Variants in PQBP1 observed in about 807,000 individuals in gnomAD.
PQBP1 encodes the protein polyglutamine-binding protein 1.
In PQBP1, 3 loss-of-function variants were observed where a neutral mutation model predicts 20.9. That is an observed-to-expected ratio of 0.14 (90% CI 0.07 to 0.37). The LOEUF (loss-of-function observed/expected upper bound fraction) is 0.37, where lower values mean the gene tolerates loss of function less well. Among genes scored for constraint, PQBP1 ranks in the 10% least tolerant of loss-of-function variants. PQBP1 has a pLI of 1.00. For missense variants in PQBP1, 162 were observed against 240.3 expected (o/e 0.67, Z 2.16); for synonymous variants, 83 against 93.8 (o/e 0.88, Z 0.67).
chrX:48,900,396 C>T (rs1055435690), intron 2 of PQBP1, among the ~76,000 whole-genome samples: 2 of 91,998 alleles, frequency 2.2e-5, no homozygotes, highest in Non-Finnish European at 4.2e-5. Flanking sequence ...CGGGTTCAAG[C>T]GATTCTCCTG....
chrX:48,901,721 C>T (rs1401933120), intron 3 of PQBP1: 12 of 646,353 alleles, frequency 1.9e-5, no homozygotes, highest in African/African-American at 6.6e-5. Context: ...TCAGGTGATC[C>T]GCCTGCCTCG....
chrX:48,898,069 G>C lies in PQBP1; in HGVS notation c.-32G>C. 3 of 1,036,586 alleles carry C rather than the reference G, an allele frequency of 2.9e-6. No homozygotes were observed. The highest frequency in any genetic ancestry group is 3.7e-6 in the Non-Finnish European group (3 of 809,524). The allele number at this position is 1,036,586 out of a possible 1,213,427, so 85.4% of individuals were successfully genotyped here. A position where few individuals can be genotyped will look rare whatever the true frequency, so the allele number is the denominator to read the frequency against. On this transcript the variant is annotated 5_prime_UTR_variant, in exon 1 of 7. Coordinates refer to ENST00000447146, the MANE Select transcript of PQBP1 (RefSeq NM_001032382.2). ...GCGGTGTGACAGCCTTCCACTACCT[G>C]CACGAGTGTATTGGTAACGTTGGGG...
chrX:48,903,042 C>T lies in PQBP1; in HGVS notation c.756C>T (p.Leu252=). ...QRPYPSPGAV[L]RANAEASRTK... ...CGTATCCATCCCCAGGGGCTGTGCT[C>T]CGGGCCAATGCAGAGGCCTCCCGAA... The change falls in exon 7 of 7, where the codon CTC becomes CTT. Residue 252 remains leucine (L), a synonymous_variant. Coordinates refer to ENST00000447146, the MANE Select transcript of PQBP1 (RefSeq NM_001032382.2). 8.3e-7 allele frequency: 1 copy of T among 1,208,291 alleles called. No homozygotes were observed. Among genetic ancestry groups the T allele is most frequent in the African/African-American group, 1.7e-5 (1 of 57,696 alleles).
chrX:48,902,118 A>T (rs1602329200), intron 4 of PQBP1, 76 bp downstream of exon 4: 3 of 1,209,186 alleles, frequency 2.5e-6, no homozygotes, highest in Non-Finnish European at 3.4e-6. Flanking sequence ...ATGATAGTGG[A>T]TCAGAGGGGC....
chrX:48,899,186 A>AG (rs782499753), intron 2 of PQBP1, among the ~76,000 whole-genome samples: 1 of 110,723 alleles, frequency 9.0e-6, no homozygotes, highest in East Asian at 2.8e-4. Context: ...CATGTTGGCT[A>AG]GGCTGGCCTC....
chrX:48,901,770 C>G (rs1240219560), intron 3 of PQBP1, among the ~76,000 whole-genome samples, 160 bp from the exon 4 acceptor site: 2 of 112,144 alleles, frequency 1.8e-5, no homozygotes, highest in African/African-American at 6.5e-5. Flanking sequence ...TGAGCCACCA[C>G]GCCCAGCTGA....
chrX:48,902,138 C>T, intron 4 of PQBP1, 95 bp from the exon 5 acceptor site: 1 of 1,206,780 alleles, frequency 8.3e-7, no homozygotes, highest in Non-Finnish European at 1.1e-6. Context: ...CAGGTGAGAC[C>T]AGGCGGGCCC....
chrX:48,903,104 C>T lies in PQBP1; in HGVS notation c.*20C>T. The T allele has an allele frequency of 8.4e-7, 1 of 1,194,402 alleles. No individual in the cohort carries two copies. ...GATTGAAGCTTCGGCCTCCCTGGCC[C>T]TGGGTTAAAATAAAAGCTTTCTGGT... On this transcript the variant is annotated 3_prime_UTR_variant, in exon 7 of 7. Coordinates refer to ENST00000447146, the MANE Select transcript of PQBP1 (RefSeq NM_001032382.2).
chrX:48,901,104 T>A (rs1296188213), intron 2 of PQBP1, 86 bp from the exon 3 acceptor site: 1 of 1,160,337 alleles, frequency 8.6e-7, no homozygotes, highest in African/African-American at 1.8e-5. Flanking sequence ...CTTGTGTGAA[T>A]GTGAGTGCGT....
At chrX:48,901,400 G>A in intron 3 of PQBP1, 99 bp downstream of exon 3, 1 of 1,158,138 alleles carries the variant, frequency 8.6e-7, no homozygotes, top group Non-Finnish European at 1.1e-6. Flanking sequence ...AGCCTCGGGT[G>A]GAGGGTGTTG....
chrX:48,903,026 C>T lies in PQBP1; in HGVS notation c.740C>T (p.Ser247Phe). 8.3e-7 allele frequency: 1 copy of T among 1,207,674 alleles called. No homozygotes were observed. Among genetic ancestry groups the T allele is most frequent in the Non-Finnish European group, 1.1e-6 (1 of 893,748 alleles). ...GPLFQQRPYP[S>F]PGAVLRANAE... ...CTCTTCCAGCAGCGGCCGTATCCAT[C>T]CCCAGGGGCTGTGCTCCGGGCCAAT... The change falls in exon 7 of 7, where the codon TCC becomes TTC. Residue 247 changes from serine to phenylalanine, a missense_variant. Ser to Phe is a radical substitution (Grantham distance 155). Transcript: ENST00000447146.
Position 48,901,467 on chromosome X carries a change from G to A in PQBP1, c.179+166G>A, listed in dbSNP as rs782253825. ...CCTGCTGGGGCCTGGCTCCTCTGGG[G>A]TTGGAAGACTGTCTTTTCTCTCTTT... On this transcript the variant is annotated intron_variant, in intron 3 of 6. Transcript: ENST00000447146. 13 of 1,021,111 alleles carry A rather than the reference G, an allele frequency of 1.3e-5. No individual in the cohort carries two copies. In the South Asian group the frequency reaches 2.5e-4, roughly 20 times the overall value. 84.2% of individuals were successfully genotyped at this position (1,021,111 alleles called of 1,213,427 possible).
chrX:48,899,972 C>T (rs1168776487), intron 2 of PQBP1, among the ~76,000 whole-genome samples: 1 of 111,950 alleles, frequency 8.9e-6, no homozygotes, highest in East Asian at 2.8e-4. Flanking sequence ...GATCCCAGGC[C>T]GGGCAGGGTG....
intron 2 of PQBP1, 72 bp downstream of exon 2, chrX:48,898,648 G>A: frequency 9.5e-7 from 1 of 1,054,090 alleles, no homozygotes; most frequent in East Asian, 3.1e-5. Context: ...TGATACTGAC[G>A]CTTGATACCT....
chrX:48,902,139 A>G, intron 4 of PQBP1, 94 bp from the exon 5 acceptor site: 1 of 1,207,506 alleles, frequency 8.3e-7, no homozygotes, highest in Non-Finnish European at 1.1e-6. Flanking sequence ...AGGTGAGACC[A>G]GGCGGGCCCA....
rs949056063 is a variant in PQBP1, at chrX:48,898,150, C to T, written c.-19+68C>T. On this transcript the variant is annotated intron_variant, in intron 1 of 6. Coordinates refer to ENST00000447146, the MANE Select transcript of PQBP1 (RefSeq NM_001032382.2). The stretch of plus-strand genomic sequence containing the variant: ...GCTGCCCTCTGCTCCCCCATCCCAG[C>T]GCTTTGGTTTCTCCCACCCGGCAGT... 7.8e-6 allele frequency: 8 copies of T among 1,023,720 alleles called. No homozygotes were observed. In the East Asian group the frequency reaches 1.3e-4, roughly 17 times the overall value. 84.4% of individuals were successfully genotyped at this position (1,023,720 alleles called of 1,213,427 possible).
Position 48,902,456 on chromosome X carries a change from G to A in PQBP1, c.516G>A (p.Glu172=). ...DRGYDKADRE[E]GKERRHHRRE... ...GGTATGACAAGGCAGACCGGGAAGA[G>A]GGCAAAGAACGGCGCCACCATCGCC... The change falls in exon 5 of 7, where the codon GAG becomes GAA. Residue 172 remains glutamate, a synonymous_variant. Coordinates refer to ENST00000447146, the MANE Select transcript of PQBP1 (RefSeq NM_001032382.2). 1 of 1,208,576 alleles carries A rather than the reference G, an allele frequency of 8.3e-7. No individual in the cohort carries two copies. Among genetic ancestry groups the A allele is most frequent in the Non-Finnish European group, 1.1e-6 (1 of 894,263 alleles).
rs1557041960 is a variant in PQBP1, at chrX:48,903,093, C to T, written c.*9C>T. The T allele has an allele frequency of 8.3e-7, 1 of 1,198,377 alleles. No homozygotes were observed. Among genetic ancestry groups the T allele is most frequent in the Non-Finnish European group, 1.1e-6 (1 of 888,506 alleles). On this transcript the variant is annotated 3_prime_UTR_variant, in exon 7 of 7. Coordinates refer to ENST00000447146, the MANE Select transcript of PQBP1 (RefSeq NM_001032382.2). ...CCAAGCAGCAGGATTGAAGCTTCGG[C>T]CTCCCTGGCCCTGGGTTAAAATAAA...
intron 2 of PQBP1, among the ~76,000 whole-genome samples, chrX:48,900,440 T>C (rs2063391294): frequency 9.5e-6 from 1 of 105,200 alleles, no homozygotes; most frequent in African/African-American, 3.5e-5. Flanking sequence ...ACCACAGGCG[T>C]GCTCCACTGT....
Sources: allele counts gnomAD v4.1 joint callset (sites outside exome capture counted in the v4.1 genomes callset), GRCh38; gene constraint gnomAD v4.1.1; transcripts MANE v1.5; gene names NCBI Gene and HGNC (gene_info 2026-07-23, HGNC 2026-07-21).